The following NDUFV1 variants were observed in gnomAD, a reference collection of about 807,000 sequenced individuals.
The protein encoded by NDUFV1 is NADH dehydrogenase [ubiquinone] flavoprotein 1, mitochondrial.
In NDUFV1, 41 loss-of-function variants were observed where a neutral mutation model predicts 48.7. The observed-to-expected ratio is 0.84, with a 90% CI of 0.66 to 1.09. The LOEUF (loss-of-function observed/expected upper bound fraction) is 1.09, where lower values mean the gene tolerates loss of function less well. Ranked by LOEUF, NDUFV1 falls within the 50% of genes least tolerant of loss-of-function variation. The pLI is 0.00. For synonymous variants in NDUFV1, 231 were observed against 259.1 expected (o/e 0.89, Z 1.04); for missense variants, 580 against 645.4 (o/e 0.90, Z 1.10).
intron 1 of NDUFV1, 63 bp from the exon 2 acceptor site, chr11:67,608,333 C>T (rs1341610655): frequency 2.0e-6 from 3 of 1,482,880 alleles, no homozygotes; most frequent in African/African-American, 2.8e-5. Flanking sequence ...GATTCTGTAG[C>T]TTCTGGCCCA....
chr11:67,611,897 A>G lies in NDUFV1; in HGVS notation c.1081A>G (p.Thr361Ala), dbSNP rs773250846. ...CTGCTAATTGCCCCTCGTCACCCAGACGGACATCGTGAAAGCCATCGCCCG... is the reference window on the plus strand; with the variant it reads ...CTGCTAATTGCCCCTCGTCACCCAGGCGGACATCGTGAAAGCCATCGCCCG... The part of the protein sequence containing the change: ...TAAVIVMDRS[T>A]DIVKAIARLI... Residue 361 changes from threonine to alanine, a missense_variant and splice_region_variant, in exon 8 of 10, where the codon ACG becomes GCG. Physicochemically the swap from Thr to Ala is moderately conservative, Grantham distance 58 (BLOSUM62 0). Coordinates refer to ENST00000322776, the MANE Select transcript of NDUFV1 (RefSeq NM_007103.4). This position sits in a 1 kb window ranked among gnomAD's most constrained non-coding sequence, Gnocchi z 4.2. The G allele has an allele frequency of 3.7e-6, 6 of 1,613,908 alleles. No homozygotes were observed. The African/African-American group carries it at 6.7e-5, about 18-fold the overall frequency.
chr11:67,609,306 GC>G (rs967665118), intron 3 of NDUFV1, 145 bp from the exon 4 acceptor site: 1 of 780,454 alleles, frequency 1.3e-6, no homozygotes, highest in Non-Finnish European at 2.1e-6. Flanking sequence ...AGCAAGCAGA[GC>G]CCCTGGGACA....
At position 67,608,644 on chromosome 11, in the gene NDUFV1, C is replaced by G; in HGVS notation, c.248C>G (p.Ser83Trp). Residue 83 changes from serine (S) to tryptophan (W), a missense_variant, in exon 3 of 10, where the codon TCG (serine) becomes TGG (tryptophan). Ser to Trp is a radical substitution (Grantham distance 177). Transcript: ENST00000322776. Reference protein sequence around the residue: ...PDWILGEIKTSGLRGRGGAGF... With the variant: ...PDWILGEIKTWGLRGRGGAGF... ...TGGATCCTGGGCGAGATCAAGACATCGGGTTTGAGGGGCCGTGGAGGCGCT... is the reference window on the plus strand; with the variant it reads ...TGGATCCTGGGCGAGATCAAGACATGGGGTTTGAGGGGCCGTGGAGGCGCT... 1.2e-6 allele frequency: 2 copies of G among 1,614,128 alleles called. No individual in the cohort carries two copies. The highest frequency in any genetic ancestry group is 1.7e-6 in the Non-Finnish European group (2 of 1,180,024).
In NDUFV1 at chr11:67,610,563, A is replaced by G; in HGVS notation, c.693A>G (p.Ala231=). The change falls in exon 5 of 10, where the codon GCA becomes GCG. Residue 231 remains alanine (A), a synonymous_variant. Transcript: ENST00000322776. The part of the protein sequence containing the change: ...GKPRLKPPFP[A]DVGVFGCPTT... ...CCCGCCTGAAGCCCCCCTTCCCCGC[A>G]GACGTGGGTAAGGCCTGGCGTAACC... 6.2e-7 allele frequency: 1 copy of G among 1,614,064 alleles called. No homozygotes were observed. Among genetic ancestry groups the G allele is most frequent in the Non-Finnish European group, 8.5e-7 (1 of 1,179,992 alleles).
At chr11:67,610,297 C>T (rs1214126420) in intron 4 of NDUFV1, 84 bp from the exon 5 acceptor site, 2 of 1,539,690 alleles carry the variant, frequency 1.3e-6, no homozygotes, top group African/African-American at 1.4e-5. Context: ...CGTGGGAGGC[C>T]TTCAAGGGCT....
chr11:67,607,236 C>G, intron 1 of NDUFV1, 160 bp downstream of exon 1: 1 of 823,998 alleles, frequency 1.2e-6, no homozygotes, highest in Non-Finnish European at 2.0e-6. Flanking sequence ...AGTAGGGGAA[C>G]GGGTCCCAAC....
chr11:67,611,008 C>T lies in NDUFV1; in HGVS notation c.714C>T (p.Cys238=). ...PFPADVGVFG[C]PTTVANVETV... is the part of the protein sequence containing the mutation. ...ATTTCCCTGAAGGAGTGTTTGGCTG[C>T]CCCACAACTGTGGCCAACGTGGAGA... The change falls in exon 6 of 10, where the codon TGC becomes TGT. Residue 238 remains cysteine (C), a synonymous_variant. Coordinates refer to ENST00000322776, the MANE Select transcript of NDUFV1 (RefSeq NM_007103.4). This position sits in a 1 kb window ranked among gnomAD's most constrained non-coding sequence, Gnocchi z 4.2. The T allele has an allele frequency of 6.2e-7, 1 of 1,614,218 alleles. No homozygotes were observed.
At chr11:67,610,183 T>G in intron 4 of NDUFV1, 198 bp from the exon 5 acceptor site, 1 of 614,338 alleles carries the variant, frequency 1.6e-6, no homozygotes, top group South Asian at 2.0e-5. Context: ...GCAGCTTACT[T>G]ATGTGTTCCT....
Position 67,610,378 on chromosome 11 carries a change from C to T in NDUFV1, c.511-3C>T. 4.3e-6 allele frequency: 7 copies of T among 1,614,170 alleles called. No homozygotes were observed. The South Asian group carries it at 6.6e-5, about 15-fold the overall frequency. Reference sequence around the variant, plus strand: ...CTGGGAAACTCACACCTTTGTCCTGCAGGTGGCCATCCGAGAGGCCTATGA... The same window carrying T: ...CTGGGAAACTCACACCTTTGTCCTGTAGGTGGCCATCCGAGAGGCCTATGA... On this transcript the variant is annotated splice_polypyrimidine_tract_variant and splice_region_variant and intron_variant, in intron 4 of 9. Coordinates refer to ENST00000322776, the MANE Select transcript of NDUFV1 (RefSeq NM_007103.4).
chr11:67,608,346 C>G, intron 1 of NDUFV1, 50 bp from the exon 2 acceptor site: 1 of 1,536,984 alleles, frequency 6.5e-7, no homozygotes, highest in Non-Finnish European at 9.0e-7. Context: ...CTGGCCCAAT[C>G]CCTCATGGCC....
At position 67,611,954 on chromosome 11, in the gene NDUFV1, G is replaced by C. The variant is rs1854924373; in HGVS notation, c.1138G>C (p.Gly380Arg). 6.2e-7 allele frequency: 1 copy of C among 1,613,932 alleles called. No homozygotes were observed. The highest frequency in any genetic ancestry group is 1.7e-5 in the Admixed American group (1 of 60,004). The change falls in exon 8 of 10, where the codon GGC becomes CGC. Residue 380 changes from glycine to arginine, a missense_variant. Gly to Arg is a moderately radical substitution (Grantham distance 125). Coordinates refer to ENST00000322776, the MANE Select transcript of NDUFV1 (RefSeq NM_007103.4). This position sits in a 1 kb window ranked among gnomAD's most constrained non-coding sequence, Gnocchi z 4.2. ...TGAGTTCTATAAGCACGAGAGCTGT[G>C]GCCAGTGTACCCCATGCCGTGAGGG... ...LIEFYKHESC[G>R]QCTPCREGVD...
chr11:67,607,624 T>C, intron 1 of NDUFV1: 1 of 376,894 alleles, frequency 2.7e-6, no homozygotes, highest in Admixed American at 3.3e-5. Context: ...GAGGTAGGAA[T>C]ATAAAAGGCC....
intron 4 of NDUFV1, chr11:67,610,121 T>C (rs1854884504): frequency 1.8e-6 from 1 of 547,658 alleles, no homozygotes; most frequent in South Asian, 2.1e-5. Context: ...CAGACTAGGG[T>C]AGTTAGGAGA....
chr11:67,612,416 G>A lies in NDUFV1; in HGVS notation c.1353G>A (p.Gln451=), dbSNP rs768582587. 4.3e-6 allele frequency: 7 copies of A among 1,612,532 alleles called. No homozygotes were observed. The highest frequency in any genetic ancestry group is 5.9e-6 in the Non-Finnish European group (7 of 1,179,982). ...HFRPELEERM[Q]RFAQQHQARQ... is the part of the protein sequence containing the mutation. Reference sequence around the variant, plus strand: ...GGCCGGAGCTCGAGGAGCGGATGCAGCGGTTTGCCCAGCAGCATCAGGCCC... The same window carrying A: ...GGCCGGAGCTCGAGGAGCGGATGCAACGGTTTGCCCAGCAGCATCAGGCCC... The change falls in exon 10 of 10, where the codon CAG becomes CAA. Residue 451 remains glutamine, a synonymous_variant. Coordinates refer to ENST00000322776, the MANE Select transcript of NDUFV1 (RefSeq NM_007103.4). The surrounding 1 kb of genome is among the most constrained non-coding windows in gnomAD (Gnocchi z 4.4).
At chr11:67,607,270 C>G (rs1272350641) in intron 1 of NDUFV1, 194 bp downstream of exon 1, 1 of 725,356 alleles carries the variant, frequency 1.4e-6, no homozygotes, top group African/African-American at 1.7e-5. Context: ...CCTTGACCCT[C>G]TGACTTGCTG....
chr11:67,608,750 G>A, intron 3 of NDUFV1, 28 bp downstream of exon 3: 1 of 1,611,890 alleles, frequency 6.2e-7, no homozygotes, highest in East Asian at 2.2e-5. Context: ...GGGCAGATGT[G>A]GCTGTGGGAG....
chr11:67,607,340 A>G, intron 1 of NDUFV1: 1 of 663,266 alleles, frequency 1.5e-6, no homozygotes, highest in Non-Finnish European at 2.8e-6. Context: ...GAAGACCCCT[A>G]GTCTTTCATT....
Position 67,612,357 on chromosome 11 carries a change from C to T in NDUFV1, c.1309-15C>T, listed in dbSNP as rs774452611. The T allele has an allele frequency of 1.2e-6, 2 of 1,613,686 alleles. No individual in the cohort carries two copies. Among genetic ancestry groups the T allele is most frequent in the Non-Finnish European group, 1.7e-6 (2 of 1,179,902 alleles). On this transcript the variant is annotated splice_polypyrimidine_tract_variant and intron_variant, in intron 9 of 9. Coordinates refer to ENST00000322776, the MANE Select transcript of NDUFV1 (RefSeq NM_007103.4). This position sits in a 1 kb window ranked among gnomAD's most constrained non-coding sequence, Gnocchi z 4.4. ...TTTTGGACTCTGTTTCACATGGTCC[C>T]CCCACCGACCCCAGGGTCTGATCCG...
Position 67,611,747 on chromosome 11 carries a change from G to GAA in NDUFV1, c.1081-150_1081-149insAA. The GAA allele has an allele frequency of 7.3e-7, 1 of 1,365,940 alleles. No homozygotes were observed. The highest frequency in any genetic ancestry group is 1.0e-6 in the Non-Finnish European group (1 of 983,410). The allele number at this position is 1,365,940 out of a possible 1,614,324, so 84.6% of individuals were successfully genotyped here. On this transcript the variant is annotated intron_variant, in intron 7 of 9. Coordinates refer to ENST00000322776, the MANE Select transcript of NDUFV1 (RefSeq NM_007103.4). The surrounding 1 kb of genome is among the most constrained non-coding windows in gnomAD (Gnocchi z 4.2). ...AGGAGAATACCCCGGAGTCTGGGCA[G>GAA]CACAGGGGGCCCAGGGAGGCTGGAG...
Sources: gnomAD v4.1 joint callset for allele counts on GRCh38, gnomAD v4.1.1 for gene constraint, Gnocchi (gnomAD v3.1) non-coding constraint, MANE v1.5 for transcripts, NCBI Gene and HGNC (gene_info 2026-07-23, HGNC 2026-07-21) for gene names.